The following NCF2 variants were observed in gnomAD, a reference collection of about 807,000 sequenced individuals.
NCF2 encodes the protein neutrophil cytosol factor 2.
NCF2 carries 45 observed loss-of-function variants against 70.9 expected under a neutral mutation model. The observed-to-expected ratio is 0.63, with a 90% CI of 0.50 to 0.81. The LOEUF is 0.81. Among genes scored for constraint, NCF2 ranks in the 40% least tolerant of loss-of-function variants. NCF2 has a pLI of 0.00. For missense variants in NCF2, 522 were observed against 631.6 expected (o/e 0.83, Z 1.86); for synonymous variants, 203 against 233.6 (o/e 0.87, Z 1.19).
In NCF2 at chr1:183,590,237, G is replaced by A. The variant is rs143889676; in HGVS notation, c.93C>T (p.Ala31=). 482 of 1,614,114 alleles carry A rather than the reference G, an allele frequency of 3.0e-4. 1 individual carries two copies. The highest frequency in any genetic ancestry group is 4.3e-4 in the Admixed American group (26 of 60,014). ...DWKGALDAFS[A]VQDPHSRICF... is the part of the protein sequence containing the mutation. The stretch of plus-strand genomic sequence containing the variant: ...AAATCCGGGAGTGGGGGTCCTGGAC[G>A]GCACTGAAGGCATCCAGGGCTCCCT... Residue 31 remains alanine, a synonymous_variant, in exon 1 of 15, where the codon GCC becomes GCT. Transcript: ENST00000367535.
chr1:183,582,721 C>A (rs977519604), intron 2 of NCF2, among the ~76,000 whole-genome samples: 23 of 152,222 alleles, frequency 1.5e-4, no homozygotes, highest in Non-Finnish European at 2.5e-4. Flanking sequence ...TGCTATGGAG[C>A]CTCTTTAAGC....
chr1:183,592,363 A>G (rs1315253928), upstream of NCF2, among the ~76,000 whole-genome samples: 1 of 152,196 alleles, frequency 6.6e-6, no homozygotes, highest in Non-Finnish European at 1.5e-5. Flanking sequence ...AATGTCACCA[A>G]CTGTGCTAAA....
intron 2 of NCF2, among the ~76,000 whole-genome samples, chr1:183,579,164 A>G (rs969479870): frequency 2.0e-5 from 3 of 152,246 alleles, no homozygotes; most frequent in Admixed American, 1.3e-4. Context: ...CAGGAGCCAG[A>G]GTCCAGATCC....
At chr1:183,594,316 G>A (rs1215288327), upstream of NCF2, among the ~76,000 whole-genome samples, 4 of 152,198 alleles carry the variant, frequency 2.6e-5, no homozygotes, top group African/African-American at 9.6e-5. Context: ...GCTAAGGTGG[G>A]AGGATCATTT....
intron 2 of NCF2, among the ~76,000 whole-genome samples, chr1:183,578,070 C>A (rs921954772): frequency 6.6e-6 from 1 of 152,228 alleles, no homozygotes; most frequent in African/African-American, 2.4e-5. Context: ...AGCACCTGCC[C>A]CCTGCCTGTG....
chr1:183,590,227 G>T lies in NCF2; in HGVS notation c.103C>A (p.Pro35Thr), dbSNP rs368781381. 1 of 1,614,146 alleles carries T rather than the reference G, an allele frequency of 6.2e-7. No individual in the cohort carries two copies. Among genetic ancestry groups the T allele is most frequent in the Non-Finnish European group, 8.5e-7 (1 of 1,180,032 alleles). ...ALDAFSAVQD[P>T]HSRICFNIGC... ...ATGTTGAAGCAAATCCGGGAGTGGG[G>T]GTCCTGGACGGCACTGAAGGCATCC... The change falls in exon 1 of 15, where the codon CCC (proline) becomes ACC (threonine). Residue 35 changes from proline (P) to threonine (T), a missense_variant. Transcript: ENST00000367535.
chr1:183,579,815 G>T (rs889932040), intron 2 of NCF2, among the ~76,000 whole-genome samples: 1 of 150,510 alleles, frequency 6.6e-6, no homozygotes, highest in Non-Finnish European at 1.5e-5. Context: ...AACTAAAGGA[G>T]ATGAAGCATT....
intron 9 of NCF2, among the ~76,000 whole-genome samples, chr1:183,566,509 G>C (rs1043691818): frequency 2.6e-4 from 39 of 152,210 alleles, no homozygotes; most frequent in African/African-American, 8.2e-4. Flanking sequence ...CTTCCAAAGT[G>C]CTAGGATTAC....
upstream of NCF2, among the ~76,000 whole-genome samples, chr1:183,592,425 C>A (rs12066019): frequency 0.1 from 15,170 of 152,264 alleles, 848 homozygotes; most frequent in Admixed American, 0.16. Context: ...TTTGTACCAC[C>A]TTTACCCAAA....
At chr1:183,576,844 T>A (rs557691676) in intron 3 of NCF2, among the ~76,000 whole-genome samples, 2 of 152,190 alleles carry the variant, frequency 1.3e-5, no homozygotes, top group South Asian at 4.1e-4. Context: ...GTGATTTTTC[T>A]AAAGAAAGGT....
Position 183,586,941 on chromosome 1 carries a change from C to A in NCF2, c.211G>T (p.Ala71Ser), listed in dbSNP as rs2102934403. ...TRSINRDKHL[A>S]VAYFQRGMLY... The stretch of plus-strand genomic sequence containing the variant: ...ATCCCTCGTTGGAAGTAAGCCACTG[C>A]CAAGTGCTTGTCTCGGTTAATGCTT... The change falls in exon 2 of 15, where the codon GCA becomes TCA. Residue 71 changes from alanine to serine, a missense_variant. Ala to Ser is a moderately conservative substitution (Grantham distance 99). Coordinates refer to ENST00000367535, the MANE Select transcript of NCF2 (RefSeq NM_000433.4). 2 of 1,614,160 alleles carry A rather than the reference C, an allele frequency of 1.2e-6. No individual in the cohort carries two copies. The highest frequency in any genetic ancestry group is 1.7e-6 in the Non-Finnish European group (2 of 1,180,008).
At chr1:183,599,484 C>CTTT in the NCF2 span, among the ~76,000 whole-genome samples, 3 of 40,648 alleles carry the variant, frequency 7.4e-5, no homozygotes, top group Admixed American at 4.3e-4. Flanking sequence ...CTTTCTTTCT[C>CTTT]TTTTCTTTCT....
At position 183,568,133 on chromosome 1, in the gene NCF2, C is replaced by T. The variant is rs76468779; in HGVS notation, c.714-788G>A. Among the ~76,000 whole-genome samples the T allele has an allele frequency of 5.3e-5, 8 of 151,958 alleles. No homozygotes were observed. The East Asian group carries it at 1.5e-3, about 29-fold the overall frequency. ...AGCTTAGGAATGAGCTCATCCAGCC[C>T]CCTCATTTTTGTAGTTGCTTTGGTA... On this transcript the variant is annotated intron_variant, in intron 7 of 14. Transcript: ENST00000367535.
intron 2 of NCF2, among the ~76,000 whole-genome samples, chr1:183,584,486 G>A (rs1338431258): frequency 1.3e-5 from 2 of 152,152 alleles, no homozygotes; most frequent in Non-Finnish European, 1.5e-5. Flanking sequence ...ATTGAATCCT[G>A]GGTCTTACTT....
intron 1 of NCF2, among the ~76,000 whole-genome samples, chr1:183,588,266 T>C (rs1673467535): frequency 6.6e-6 from 1 of 152,088 alleles, no homozygotes. Flanking sequence ...TATTTATTGC[T>C]CTGTGGAAGA....
the NCF2 span, among the ~76,000 whole-genome samples, chr1:183,599,186 C>T: frequency 6.6e-6 from 1 of 152,034 alleles, no homozygotes; most frequent in Non-Finnish European, 1.5e-5. Context: ...AGTTTGAGAC[C>T]ACCCTGGGAA....
rs760751710 is a variant in NCF2, at chr1:183,570,843, A to C, written c.610-4T>G. On this transcript the variant is annotated splice_polypyrimidine_tract_variant and splice_region_variant and intron_variant, in intron 5 of 14. Coordinates refer to ENST00000367535, the MANE Select transcript of NCF2 (RefSeq NM_000433.4). ...GATCCACCACAGATGCCACGACCTA[A>C]AATCAAGGACAGGAGGGTGTGAGGC... 2 of 1,614,122 alleles carry C rather than the reference A, an allele frequency of 1.2e-6. No homozygotes were observed. Among genetic ancestry groups the C allele is most frequent in the South Asian group, 2.2e-5 (2 of 91,080 alleles).
intron 5 of NCF2, among the ~76,000 whole-genome samples, chr1:183,571,690 T>G (rs1483459776): frequency 6.6e-6 from 1 of 152,224 alleles, no homozygotes. Flanking sequence ...ATAATTTTCA[T>G]CATTCATTCA....
In NCF2 at chr1:183,555,760, C is replaced by A. The variant is rs578107077; in HGVS notation, c.*358G>T. 2 of 258,530 alleles carry A rather than the reference C, an allele frequency of 7.7e-6. No individual in the cohort carries two copies. The highest frequency in any genetic ancestry group is 1.5e-5 in the Non-Finnish European group (2 of 133,336). 16.0% of individuals were successfully genotyped at this position (258,530 alleles called of 1,614,324 possible). ...TTGTGGTATGACACAGAAAAGTGCA[C>A]CAAATGTACAGCTTGATGAATGTTT... On this transcript the variant is annotated 3_prime_UTR_variant, in exon 15 of 15. Transcript: ENST00000367535.
Sources: gnomAD v4.1 joint callset for allele counts (sites outside exome capture counted in the v4.1 genomes callset) on GRCh38, gnomAD v4.1.1 for gene constraint, MANE v1.5 for transcripts, NCBI Gene and HGNC (gene_info 2026-07-23, HGNC 2026-07-21) for gene names.